Variants in PRDX3 observed in about 807,000 individuals in gnomAD.
PRDX3 encodes peroxiredoxin 3.
Under a neutral mutation model 30.4 loss-of-function variants are expected in PRDX3, and 20 were observed. The ratio of observed to expected loss-of-function variants is 0.66; its 90% CI spans 0.46 to 0.96. The LOEUF is 0.96. Among genes scored for constraint, PRDX3 ranks in the 40% least tolerant of loss-of-function variants. The pLI, the probability that PRDX3 is intolerant of heterozygous loss-of-function variation, is 0.00. For missense variants in PRDX3, 322 were observed against 318.3 expected, an observed-to-expected ratio of 1.01 and a Z score of -0.09; for synonymous variants, 124 against 117.8, an observed-to-expected ratio of 1.05 and a Z score of -0.34.
intron 2 of PRDX3, among the ~76,000 whole-genome samples, chr10:119,175,925 C>T (rs989126436): frequency 4.6e-5 from 7 of 151,874 alleles, no homozygotes; most frequent in Non-Finnish European, 4.4e-5. Flanking sequence ...ATTCCAGTAG[C>T]ACACCACCAC....
chr10:119,175,940 G>A (rs34090064), intron 2 of PRDX3, among the ~76,000 whole-genome samples: 10 of 151,760 alleles, frequency 6.6e-5, no homozygotes, highest in African/African-American at 1.5e-4. Context: ...CACCACACCC[G>A]GCTTATTTTT....
chr10:119,169,866 C>A (rs947250249), intron 5 of PRDX3: 1 of 152,628 alleles, frequency 6.6e-6, no homozygotes, highest in Non-Finnish European at 1.5e-5. Flanking sequence ...AAACCATGCC[C>A]ATCACTTTTA....
intron 5 of PRDX3, 124 bp downstream of exon 5, chr10:119,172,258 C>G (rs1044840975): frequency 1.2e-6 from 1 of 810,118 alleles, no homozygotes; most frequent in Non-Finnish European, 2.0e-6. Flanking sequence ...GCATGAGCCA[C>G]CATGCCCAGC....
At chr10:119,172,014 C>T (rs1253849932) in intron 5 of PRDX3, among the ~76,000 whole-genome samples, 1 of 152,172 alleles carries the variant, frequency 6.6e-6, no homozygotes, top group Non-Finnish European at 1.5e-5. Context: ...CAGAAAGAGA[C>T]CCAAGGTGGT....
In PRDX3 at chr10:119,177,091, A is replaced by G; in HGVS notation, c.99T>C (p.Ala33=). 1 of 1,614,016 alleles carries G rather than the reference A, an allele frequency of 6.2e-7. No homozygotes were observed. The highest frequency in any genetic ancestry group is 1.3e-5 in the African/African-American group (1 of 75,060). ...TTGTCAAGCTCGTTCTTCCACATGC[A>G]GCAGGCCTGAGGGCTGCAGTGGCAG... ...GISATAALRP[A]ACGRTSLTNL... Residue 33 remains alanine, a synonymous_variant, in exon 2 of 7, where the codon GCT becomes GCC. Coordinates refer to ENST00000298510, the MANE Select transcript of PRDX3 (RefSeq NM_006793.5).
chr10:119,169,398 T>A, intron 5 of PRDX3, 56 bp from the exon 6 acceptor site: 1 of 1,430,374 alleles, frequency 7.0e-7, no homozygotes, highest in Non-Finnish European at 9.6e-7. Context: ...TAGAACAGTC[T>A]AACTTCTTCC....
At chr10:119,172,061 C>T (rs962030653) in intron 5 of PRDX3, among the ~76,000 whole-genome samples, 3 of 152,114 alleles carry the variant, frequency 2.0e-5, no homozygotes, top group South Asian at 4.2e-4. Context: ...TCTGAGAGAC[C>T]GCCAACCCTT....
chr10:119,173,791 TGCGACA>T lies in PRDX3; in HGVS notation c.387_392del (p.Ala131_Val132del). 6.2e-7 allele frequency: 1 copy of T among 1,612,802 alleles called. No homozygotes were observed. The highest frequency in any genetic ancestry group is 1.3e-5 in the African/African-American group (1 of 75,004). On this transcript the variant is annotated inframe_deletion, in exon 4 of 7. Coordinates refer to ENST00000298510, the MANE Select transcript of PRDX3 (RefSeq NM_006793.5). ...GGCTAAAGTGGGAATCCACTGAGACTGCGACAACTTCACAGTTCACGTCGTGAAATT... is the reference window on the plus strand; with the variant it reads ...GGCTAAAGTGGGAATCCACTGAGACTACTTCACAGTTCACGTCGTGAAATT...
intron 5 of PRDX3, 88 bp downstream of exon 5, chr10:119,172,294 T>G: frequency 1.7e-6 from 2 of 1,172,558 alleles, no homozygotes; most frequent in East Asian, 4.7e-5. Context: ...TTAAAAATGC[T>G]TTACCAAGGT....
At chr10:119,169,641 G>A (rs1435571763) in intron 5 of PRDX3, 1 of 213,162 alleles carries the variant, frequency 4.7e-6, no homozygotes, top group African/African-American at 2.3e-5. Flanking sequence ...GAACTAGAGA[G>A]AGCAAAGACT....
rs184344471 is a variant in PRDX3 at position 119,172,543 on chromosome 10, C to T, written c.448-58G>A. On this transcript the variant is annotated intron_variant, in intron 4 of 6. Coordinates refer to ENST00000298510, the MANE Select transcript of PRDX3 (RefSeq NM_006793.5). ...TGTGGCCTCACAACATTCTTGACCA[C>T]GTACCACAATGTTTGAGACCAACAG... 270 of 1,390,364 alleles carry T rather than the reference C, an allele frequency of 1.9e-4. No homozygotes were observed. In the African/African-American group the frequency reaches 3.4e-3, roughly 17 times the overall value. 86.1% of individuals were successfully genotyped at this position (1,390,364 alleles called of 1,614,324 possible). A position where few individuals can be genotyped will look rare whatever the true frequency, so the allele number is the denominator to read the frequency against.
At chr10:119,169,068 A>T in intron 6 of PRDX3, 109 bp downstream of exon 6, 1 of 1,209,220 alleles carries the variant, frequency 8.3e-7, no homozygotes, top group Non-Finnish European at 1.2e-6. Flanking sequence ...TTTGCATATC[A>T]TCTGCACGCT....
At chr10:119,170,494 T>C (rs911976987) in intron 5 of PRDX3, 7 of 151,956 alleles carry the variant, frequency 4.6e-5, no homozygotes, top group African/African-American at 9.7e-5. Context: ...TGAGTTCTCA[T>C]AGGGAAAGGG....
Position 119,174,482 on chromosome 10 carries a change from A to G in PRDX3, c.280T>C (p.Tyr94His). 1 of 1,606,514 alleles carries G rather than the reference A, an allele frequency of 6.2e-7. No homozygotes were observed. The highest frequency in any genetic ancestry group is 1.1e-5 in the South Asian group (1 of 89,452). The change falls in exon 3 of 7, where the codon TAT becomes CAT. Residue 94 changes from tyrosine (Y) to histidine (H), a missense_variant. Tyr to His is a moderately conservative substitution (Grantham distance 83, BLOSUM62 2). Coordinates refer to ENST00000298510, the MANE Select transcript of PRDX3 (RefSeq NM_006793.5). ...DLSLDDFKGK[Y>H]LVLFFYPLDF... ...AAAGGATAGAAGAAAAGCACCAAAT[A>G]TTTCCCCTTAAAGTCATCAAGGCTT...
intron 6 of PRDX3, 129 bp downstream of exon 6, chr10:119,169,048 G>C: frequency 1.8e-5 from 15 of 815,274 alleles, no homozygotes; most frequent in Non-Finnish European, 2.5e-5. Flanking sequence ...CCCCACAGCA[G>C]CTTCACCCAT....
At chr10:119,170,905 GA>G (rs1269162263) in intron 5 of PRDX3, 2,751 of 104,196 alleles carry the variant, frequency 0.026, 56 homozygotes, top group East Asian at 0.11. Context: ...GAAAAGAAAA[GA>G]AAAAAAAAAA....
intron 2 of PRDX3, 122 bp from the exon 3 acceptor site, chr10:119,174,714 G>A (rs1025308410): frequency 2.1e-5 from 21 of 994,802 alleles, no homozygotes; most frequent in Admixed American, 7.1e-5. Context: ...CAAAACATTC[G>A]GTTCAACTGT....
At chr10:119,173,914 A>G in intron 3 of PRDX3, 42 bp from the exon 4 acceptor site, 2 of 1,575,990 alleles carry the variant, frequency 1.3e-6, no homozygotes, top group Non-Finnish European at 1.7e-6. Flanking sequence ...GCATTTAAAA[A>G]CAAGGATTTT....
At chr10:119,175,737 G>C (rs897422862) in intron 2 of PRDX3, among the ~76,000 whole-genome samples, 2 of 151,350 alleles carry the variant, frequency 1.3e-5, no homozygotes, top group African/African-American at 4.9e-5. Context: ...AGGAGGGAAA[G>C]AGGAGCAGGA....
Sources: gnomAD v4.1 joint callset for allele counts (sites outside exome capture counted in the v4.1 genomes callset) on GRCh38, gnomAD v4.1.1 for gene constraint, MANE v1.5 for transcripts, NCBI Gene and HGNC (gene_info 2026-07-23, HGNC 2026-07-21) for gene names.